Variants in UBE2F observed in about 807,000 individuals in gnomAD.
The protein encoded by UBE2F is NEDD8-conjugating enzyme UBE2F.
Under a neutral mutation model 29.6 loss-of-function variants are expected in UBE2F, and 5 were observed. The observed-to-expected ratio is 0.17, with a 90% CI of 0.09 to 0.36. The LOEUF is 0.36. Ranked by LOEUF, UBE2F falls within the 10% of genes least tolerant of loss-of-function variation. The pLI is 1.00. For synonymous variants in UBE2F, 66 were observed against 81.8 expected (o/e 0.81, Z 1.04); for missense variants, 141 against 228.5 (o/e 0.62, Z 2.47).
At chr2:238,013,051 C>T (rs2064075066) in intron 4 of UBE2F, among the ~76,000 whole-genome samples, 1 of 152,064 alleles carries the variant, frequency 6.6e-6, no homozygotes, top group Admixed American at 6.5e-5. Context: ...CCAAGATGGG[C>T]AGATCGCTTG....
chr2:237,980,196 G>T (rs769771842), intron 2 of UBE2F, among the ~76,000 whole-genome samples: 4 of 152,252 alleles, frequency 2.6e-5, no homozygotes, highest in Non-Finnish European at 4.4e-5. Context: ...CAGCAGCTCT[G>T]CCTAGTGTTG....
chr2:237,987,858 T>A, intron 2 of UBE2F, 105 bp from the exon 3 acceptor site: 2 of 619,270 alleles, frequency 3.2e-6, no homozygotes, highest in Non-Finnish European at 2.7e-6. Flanking sequence ...CATCCTTTTT[T>A]TTTTTTTTTT....
chr2:237,985,834 CT>C (rs1436175703), intron 2 of UBE2F, among the ~76,000 whole-genome samples: 4 of 152,152 alleles, frequency 2.6e-5, no homozygotes, highest in African/African-American at 9.7e-5. Flanking sequence ...CAAGGGTTCT[CT>C]TTTTTCCACC....
At chr2:238,023,136 A>G (rs375314526) in intron 5 of UBE2F, among the ~76,000 whole-genome samples, 5 of 152,328 alleles carry the variant, frequency 3.3e-5, no homozygotes. Context: ...AGGTTCCTAC[A>G]AAAACTGAGA....
intron 2 of UBE2F, among the ~76,000 whole-genome samples, chr2:237,974,483 C>G (rs966414953): frequency 6.7e-6 from 1 of 149,620 alleles, no homozygotes; most frequent in African/African-American, 2.5e-5. Context: ...AGCCACTACA[C>G]CTGGCCAAAT....
chr2:237,969,711 G>A (rs1576583053), intron 1 of UBE2F, among the ~76,000 whole-genome samples: 1 of 152,206 alleles, frequency 6.6e-6, no homozygotes, highest in Non-Finnish European at 1.5e-5. Flanking sequence ...CCATGACAAG[G>A]AATCCTTGTG....
At chr2:238,017,830 T>G (rs4663831) in intron 5 of UBE2F, among the ~76,000 whole-genome samples, 133,639 of 152,210 alleles carry the variant, frequency 0.88, 58,979 homozygotes, top group East Asian at 0.97. Context: ...GGGACACTGT[T>G]CCTGTGACTT....
intron 4 of UBE2F, among the ~76,000 whole-genome samples, chr2:238,001,929 A>G (rs530122494): frequency 6.6e-6 from 1 of 152,362 alleles, no homozygotes; most frequent in Non-Finnish European, 1.5e-5. Flanking sequence ...GATACATGAT[A>G]ATAAACGTGC....
At chr2:238,017,741 C>T (rs559966242) in intron 5 of UBE2F, among the ~76,000 whole-genome samples, 8 of 152,194 alleles carry the variant, frequency 5.3e-5, no homozygotes, top group Non-Finnish European at 8.8e-5. Flanking sequence ...CCTCTTGGCC[C>T]GTCCAGTAGG....
In UBE2F at chr2:238,020,211, C is replaced by T. The variant is rs192688552; in HGVS notation, c.282+3578C>T. Among the ~76,000 whole-genome samples the T allele has an allele frequency of 2.8e-4, 43 of 152,314 alleles. No homozygotes were observed. The East Asian group carries it at 8.1e-3, about 29-fold the overall frequency. On this transcript the variant is annotated intron_variant, in intron 5 of 9. Coordinates refer to ENST00000272930, the MANE Select transcript of UBE2F (RefSeq NM_080678.3). Reference sequence around the variant, plus strand: ...CTGAGGGAGTGCCAGCTGTCTTGCCCACACTATTTCCGGTGTGTAGCTTGT... The same window carrying T: ...CTGAGGGAGTGCCAGCTGTCTTGCCTACACTATTTCCGGTGTGTAGCTTGT...
intron 9 of UBE2F, among the ~76,000 whole-genome samples, chr2:238,036,305 C>G (rs2064706585): frequency 6.6e-6 from 1 of 152,082 alleles, no homozygotes; most frequent in Non-Finnish European, 1.5e-5. Context: ...CCTGAAGTAG[C>G]TAGGACTACA....
intron 4 of UBE2F, among the ~76,000 whole-genome samples, chr2:237,996,725 C>G (rs192345513): frequency 6.6e-6 from 1 of 152,298 alleles, no homozygotes; most frequent in African/African-American, 2.4e-5. Flanking sequence ...ATCTGCCAGC[C>G]TCGGCTTCCC....
chr2:237,980,725 T>C (rs1045443595), intron 2 of UBE2F, among the ~76,000 whole-genome samples: 8 of 152,202 alleles, frequency 5.3e-5, no homozygotes, highest in Non-Finnish European at 1.0e-4. Context: ...TAGGCAAGTA[T>C]GCTTATGTGT....
At chr2:238,035,618 T>A (rs771774633) in intron 8 of UBE2F, 7 of 386,666 alleles carry the variant, frequency 1.8e-5, no homozygotes, top group Non-Finnish European at 3.3e-5. Context: ...ATTTACTCCA[T>A]CTTCACCAAA....
At chr2:237,973,691 A>C (rs916585311) in intron 2 of UBE2F, 1 of 1,302,146 alleles carries the variant, frequency 7.7e-7, no homozygotes, top group African/African-American at 1.5e-5. Flanking sequence ...AGTTCTCTTC[A>C]CGGAATTAAT....
At chr2:237,981,369 G>A (rs565654356) in intron 2 of UBE2F, among the ~76,000 whole-genome samples, 1 of 147,114 alleles carries the variant, frequency 6.8e-6, no homozygotes, top group Non-Finnish European at 1.5e-5. Context: ...CACTGTGGGA[G>A]TGTGCCTGGC....
At chr2:237,978,773 G>T (rs72981228) in intron 2 of UBE2F, among the ~76,000 whole-genome samples, 10,874 of 152,208 alleles carry the variant, frequency 0.071, 416 homozygotes, top group African/African-American at 0.11. Context: ...ATTTGAGCTG[G>T]CCCTGACTTG....
chr2:238,041,406 T>C lies in UBE2F; in HGVS notation c.*68T>C. 1.3e-6 allele frequency: 2 copies of C among 1,545,886 alleles called. No individual in the cohort carries two copies. Among genetic ancestry groups the C allele is most frequent in the East Asian group, 4.5e-5 (2 of 44,550 alleles). ...GTCTCTAACATGAAACAGCAAGAGGTAGCCCCCTCTCCCGTCCTCATGCTC... is the reference window on the plus strand; with the variant it reads ...GTCTCTAACATGAAACAGCAAGAGGCAGCCCCCTCTCCCGTCCTCATGCTC... On this transcript the variant is annotated 3_prime_UTR_variant, in exon 10 of 10. Coordinates refer to ENST00000272930, the MANE Select transcript of UBE2F (RefSeq NM_080678.3).
chr2:238,006,759 C>CTTTTTTTTTTTTTT (rs60514924), intron 4 of UBE2F, among the ~76,000 whole-genome samples: 6 of 125,582 alleles, frequency 4.8e-5, no homozygotes, highest in African/African-American at 1.8e-4. Context: ...TTTCTTTTTT[C>CTTTTTTTTTTTTTT]TTTTTTTTTT....
Sources: allele counts gnomAD v4.1 joint callset (sites outside exome capture counted in the v4.1 genomes callset), GRCh38; gene constraint gnomAD v4.1.1; transcripts MANE v1.5; gene names NCBI Gene and HGNC (gene_info 2026-07-23, HGNC 2026-07-21).